STAU2: variants seen among roughly 807,000 people sequenced by gnomAD.
The protein encoded by STAU2 is staufen double-stranded RNA binding protein 2, also known as double-stranded RNA-binding protein Staufen homolog 2.
STAU2 carries 20 observed loss-of-function variants against 65.9 expected under a neutral mutation model. The ratio of observed to expected loss-of-function variants is 0.30; its 90% CI spans 0.21 to 0.44. STAU2 has a LOEUF of 0.44. STAU2 is among the 20% of genes least tolerant of loss of function. The probability of loss-of-function intolerance (pLI) is 1.00; values close to 1 mark genes in which losing one functional copy is unlikely to be tolerated. For synonymous variants in STAU2, 232 were observed against 233.9 expected (o/e 0.99, Z 0.07); for missense variants, 558 against 683.9 (o/e 0.82, Z 2.05).
intron 13 of STAU2, among the ~76,000 whole-genome samples, chr8:73,493,998 G>A (rs1821272097): frequency 6.6e-6 from 1 of 151,750 alleles, no homozygotes; most frequent in Non-Finnish European, 1.5e-5. Flanking sequence ...CATAAGGGCT[G>A]GAACAATGAT....
At position 73,720,763 on chromosome 8, in the gene STAU2, C is replaced by T. The variant is rs11779950; in HGVS notation, c.-17-11601G>A. Among the ~76,000 whole-genome samples, 2 of 80,434 alleles carry T rather than the reference C, an allele frequency of 2.5e-5. 1 individual carries two copies. Among genetic ancestry groups the T allele is most frequent in the African/African-American group, 1.2e-4 (2 of 17,262 alleles). The allele number at this position is 80,434 out of a possible 152,430, so 52.8% of individuals were successfully genotyped here. A position where few individuals can be genotyped will look rare whatever the true frequency, so the allele number is the denominator to read the frequency against. On this transcript the variant is annotated intron_variant, in intron 3 of 14. Transcript: ENST00000524300. ...TCCTGACCTCATGATCCACCCGCCT[C>T]GGCCTCCCAAAGTGCTGGGATTACA...
At chr8:73,435,226 A>G (rs1313259671) in intron 13 of STAU2, among the ~76,000 whole-genome samples, 1 of 151,894 alleles carries the variant, frequency 6.6e-6, no homozygotes, top group Non-Finnish European at 1.5e-5. Flanking sequence ...GGTTCCTAAC[A>G]GTGCCTGCCA....
At chr8:73,505,189 G>A (rs117179014) in intron 13 of STAU2, among the ~76,000 whole-genome samples, 2,194 of 152,222 alleles carry the variant, frequency 0.014, 15 homozygotes, top group Non-Finnish European at 0.022. Context: ...AGTGTGGCAG[G>A]CTTAATCAGA....
At chr8:73,498,456 T>C (rs1012507265) in intron 13 of STAU2, among the ~76,000 whole-genome samples, 16 of 151,896 alleles carry the variant, frequency 1.1e-4, no homozygotes, top group Non-Finnish European at 1.9e-4. Flanking sequence ...TAGGTATGCA[T>C]GTTTACTTTT....
At chr8:73,700,691 G>A (rs1441978762) in intron 4 of STAU2, among the ~76,000 whole-genome samples, 3 of 151,248 alleles carry the variant, frequency 2.0e-5, no homozygotes, top group African/African-American at 4.8e-5. Context: ...AAATAAATTG[G>A]AAGAATCAAA....
chr8:73,449,216 G>T (rs964708538), intron 13 of STAU2, among the ~76,000 whole-genome samples: 1 of 152,218 alleles, frequency 6.6e-6, no homozygotes, highest in African/African-American at 2.4e-5. Flanking sequence ...CCCACAGACC[G>T]CCACTGAATC....
intron 12 of STAU2, among the ~76,000 whole-genome samples, chr8:73,563,790 A>T (rs1808404440): frequency 6.6e-6 from 1 of 152,184 alleles, no homozygotes; most frequent in African/African-American, 2.4e-5. Context: ...TGCATGAGCT[A>T]CCATGCCTGG....
intron 6 of STAU2, among the ~76,000 whole-genome samples, chr8:73,622,923 G>A (rs925905287): frequency 6.6e-5 from 10 of 152,138 alleles, no homozygotes; most frequent in Non-Finnish European, 1.3e-4. Flanking sequence ...ATGTCTCCTT[G>A]CCTTCTAACT....
chr8:73,698,219 A>C (rs563110592), intron 4 of STAU2, among the ~76,000 whole-genome samples: 148 of 152,330 alleles, frequency 9.7e-4, no homozygotes, highest in African/African-American at 3.2e-3. Context: ...ACTTTCACTA[A>C]AAGGAAGACA....
intron 12 of STAU2, among the ~76,000 whole-genome samples, chr8:73,566,219 C>A (rs1467392308): frequency 6.6e-6 from 1 of 152,174 alleles, no homozygotes; most frequent in Admixed American, 6.5e-5. Flanking sequence ...AATAAAAGAA[C>A]ACACTTGAAT....
intron 12 of STAU2, among the ~76,000 whole-genome samples, chr8:73,556,586 T>A (rs1227554811): frequency 1.3e-5 from 2 of 152,052 alleles, no homozygotes; most frequent in African/African-American, 4.8e-5. Context: ...TGAAACCCCG[T>A]CTCTACTAAA....
At chr8:73,590,076 A>AGGAGAAGGAAGTAGGG in intron 11 of STAU2, among the ~76,000 whole-genome samples, 1 of 151,250 alleles carries the variant, frequency 6.6e-6, no homozygotes, top group Admixed American at 6.6e-5. Flanking sequence ...TAGAAGAAAG[A>AGGAGAAGGAAGTAGGG]GGAGAAGGAA....
At chr8:73,672,479 A>G (rs1817754010) in intron 6 of STAU2, 2 of 152,204 alleles carry the variant, frequency 1.3e-5, no homozygotes, top group South Asian at 2.1e-4. Context: ...ACATATATAC[A>G]TACATAAAAT....
chr8:73,691,295 C>T (rs1008437941), intron 4 of STAU2, among the ~76,000 whole-genome samples: 3 of 152,202 alleles, frequency 2.0e-5, no homozygotes, highest in Admixed American at 6.5e-5. Flanking sequence ...CAGGTTCAAA[C>T]CTCATTAGTT....
At chr8:73,523,082 G>A (rs1458324955) in intron 13 of STAU2, among the ~76,000 whole-genome samples, 1 of 150,854 alleles carries the variant, frequency 6.6e-6, no homozygotes, top group African/African-American at 2.4e-5. Context: ...TGTAATCCCA[G>A]CTACTCAGGA....
chr8:73,426,059 T>C (rs1816800467), intron 13 of STAU2, among the ~76,000 whole-genome samples: 1 of 152,166 alleles, frequency 6.6e-6, no homozygotes, highest in African/African-American at 2.4e-5. Flanking sequence ...TCCCAAAGTA[T>C]TGGGATTACA....
At chr8:73,743,464 TA>T (rs1481445532) in intron 1 of STAU2, among the ~76,000 whole-genome samples, 21 of 131,252 alleles carry the variant, frequency 1.6e-4, no homozygotes, top group Admixed American at 9.7e-4. Context: ...GCCTTCTTTT[TA>T]ATTTTTTTTT....
At chr8:73,508,181 G>C (rs781330591) in intron 13 of STAU2, among the ~76,000 whole-genome samples, 1 of 152,204 alleles carries the variant, frequency 6.6e-6, no homozygotes, top group Non-Finnish European at 1.5e-5. Context: ...TGGTACAAGA[G>C]GCCTAGCTTT....
intron 3 of STAU2, among the ~76,000 whole-genome samples, chr8:73,721,930 T>C (rs1315668671): frequency 6.6e-6 from 1 of 152,218 alleles, no homozygotes; most frequent in Non-Finnish European, 1.5e-5. Flanking sequence ...GATTCTATCA[T>C]CTTGCTATTT....
Sources: allele counts gnomAD v4.1 joint callset (sites outside exome capture counted in the v4.1 genomes callset), GRCh38; gene constraint gnomAD v4.1.1; transcripts MANE v1.5; gene names NCBI Gene and HGNC (gene_info 2026-07-23, HGNC 2026-07-21).